Variants in TERF2IP observed in about 807,000 individuals in gnomAD.
TERF2IP encodes telomeric repeat-binding factor 2-interacting protein 1.
In TERF2IP, 35 loss-of-function variants were observed where a neutral mutation model predicts 33.3. The ratio of observed to expected loss-of-function variants is 1.05; its 90% CI spans 0.80 to 1.39. TERF2IP has a LOEUF of 1.39. Among genes scored for constraint, TERF2IP ranks in the 40% most tolerant of loss-of-function variants. TERF2IP has a pLI of 0.00. For missense variants in TERF2IP, 583 were observed against 524.8 expected, an observed-to-expected ratio of 1.11 and a Z score of -1.08; for synonymous variants, 253 against 223.2, an observed-to-expected ratio of 1.13 and a Z score of -1.19.
rs767208960 is a variant in TERF2IP, at chr16:75,656,472, A to G, written c.1061A>G (p.Gln354Arg). 1.9e-6 allele frequency: 3 copies of G among 1,614,264 alleles called. No individual in the cohort carries two copies. Among genetic ancestry groups the G allele is most frequent in the South Asian group, 1.1e-5 (1 of 91,088 alleles). ...ACTTCCGCCTTCTTAGCGTCTGGTCAGAGAGCTGATGGATATCCCATTTGG... is the reference window on the plus strand; with the variant it reads ...ACTTCCGCCTTCTTAGCGTCTGGTCGGAGAGCTGATGGATATCCCATTTGG... ...EATSAFLASG[Q>R]RADGYPIWSR... Residue 354 changes from glutamine to arginine, a missense_variant, in exon 3 of 3, where the codon CAG becomes CGG. Physicochemically the swap from Gln to Arg is conservative, Grantham distance 43 (BLOSUM62 1). Coordinates refer to ENST00000300086, the MANE Select transcript of TERF2IP (RefSeq NM_018975.4).
intron 2 of TERF2IP, among the ~76,000 whole-genome samples, chr16:75,655,858 CAT>C (rs2082380691): frequency 6.6e-6 from 1 of 152,140 alleles, no homozygotes; most frequent in Non-Finnish European, 1.5e-5. Context: ...CATGTGTGCA[CAT>C]ATATGTGTCT....
In TERF2IP at chr16:75,656,473, G is replaced by A. The variant is rs760209349; in HGVS notation, c.1062G>A (p.Gln354=). The change falls in exon 3 of 3, where the codon CAG becomes CAA. Residue 354 remains glutamine (Q), a synonymous_variant. Transcript: ENST00000300086. The part of the protein sequence containing the change: ...EATSAFLASG[Q]RADGYPIWSR... ...CTTCCGCCTTCTTAGCGTCTGGTCA[G>A]AGAGCTGATGGATATCCCATTTGGT... is the stretch of plus-strand genomic sequence containing the variant. The A allele has an allele frequency of 1.2e-6, 2 of 1,614,106 alleles. No individual in the cohort carries two copies. Among genetic ancestry groups the A allele is most frequent in the African/African-American group, 1.3e-5 (1 of 74,942 alleles).
chr16:75,650,162 C>T (rs1397124970), intron 1 of TERF2IP, among the ~76,000 whole-genome samples: 1 of 152,180 alleles, frequency 6.6e-6, no homozygotes, highest in Non-Finnish European at 1.5e-5. Flanking sequence ...GGTCCTGGAG[C>T]TTATAACATG....
Position 75,654,446 on chromosome 16 carries a change from C to T in TERF2IP, c.795+49C>T, listed in dbSNP as rs777168800. ...TATTTTTTTCCCTACCTTCATTCTT[C>T]TTTGAAACTGGTTATCCTGTACACC... On this transcript the variant is annotated intron_variant, in intron 2 of 2. Transcript: ENST00000300086. The T allele has an allele frequency of 8.8e-6, 14 of 1,587,386 alleles. No homozygotes were observed. In the South Asian group the frequency reaches 1.3e-4, roughly 15 times the overall value.
chr16:75,654,494 G>A, intron 2 of TERF2IP, 97 bp downstream of exon 2: 1 of 1,319,162 alleles, frequency 7.6e-7, no homozygotes, highest in Non-Finnish European at 1.0e-6. Context: ...CTGGGGCTCA[G>A]GAAAGTGAGA....
In TERF2IP at chr16:75,657,219, A is replaced by G. The variant is rs1036650151; in HGVS notation, c.*608A>G. On this transcript the variant is annotated 3_prime_UTR_variant, in exon 3 of 3. Transcript: ENST00000300086. ...CTTTTTTTGGAGCCCTTCTCAGTCAAGTCTGCCGGATGTCTTTCTTTACCT... is the reference window on the plus strand; with the variant it reads ...CTTTTTTTGGAGCCCTTCTCAGTCAGGTCTGCCGGATGTCTTTCTTTACCT... 6.6e-6 allele frequency: 1 copy of G among 152,228 alleles called. No homozygotes were observed. Among genetic ancestry groups the G allele is most frequent in the Non-Finnish European group, 1.5e-5 (1 of 68,090 alleles). The allele number at this position is 152,228 out of a possible 1,614,324, so 9.4% of individuals were successfully genotyped here.
Position 75,657,289 on chromosome 16 carries a change from T to C in TERF2IP, c.*678T>C, listed in dbSNP as rs1482925124. On this transcript the variant is annotated 3_prime_UTR_variant, in exon 3 of 3. Coordinates refer to ENST00000300086, the MANE Select transcript of TERF2IP (RefSeq NM_018975.4). ...AACGCGCACACAACTCTAGAGAGTGTTAAGAATAATGTTACTTGGTTAATG... is the reference window on the plus strand; with the variant it reads ...AACGCGCACACAACTCTAGAGAGTGCTAAGAATAATGTTACTTGGTTAATG... 2 of 152,244 alleles carry C rather than the reference T, an allele frequency of 1.3e-5. No individual in the cohort carries two copies. Among genetic ancestry groups the C allele is most frequent in the Non-Finnish European group, 2.9e-5 (2 of 68,060 alleles). The allele number at this position is 152,244 out of a possible 1,614,324, so 9.4% of individuals were successfully genotyped here. A position where few individuals can be genotyped will look rare whatever the true frequency, so the allele number is the denominator to read the frequency against.
chr16:75,654,205 C>T, intron 1 of TERF2IP, 68 bp from the exon 2 acceptor site: 1 of 1,333,766 alleles, frequency 7.5e-7, no homozygotes, highest in Non-Finnish European at 1.0e-6. Context: ...AGAGCTCACA[C>T]AGCAAATATA....
Position 75,647,991 on chromosome 16 carries a change from C to G in TERF2IP, c.109C>G (p.Pro37Ala). 6.2e-7 allele frequency: 1 copy of G among 1,613,568 alleles called. No homozygotes were observed. Among genetic ancestry groups the G allele is most frequent in the African/African-American group, 1.3e-5 (1 of 75,066 alleles). ...CATGTCCTTCTACGTGCGGCCCAGC[C>G]CGGCCAAGCGTCGGCTGTCGACGCT... ...SSMSFYVRPS[P>A]AKRRLSTLIL... Residue 37 changes from proline to alanine, a missense_variant, in exon 1 of 3, where the codon CCG (proline) becomes GCG (alanine). Physicochemically the swap from Pro to Ala is conservative, Grantham distance 27 (BLOSUM62 -1). Transcript: ENST00000300086.
rs1008771032 is a variant in TERF2IP, at chr16:75,647,793, A to G, written c.-90A>G. 8 of 1,582,370 alleles carry G rather than the reference A, an allele frequency of 5.1e-6. No individual in the cohort carries two copies. The African/African-American group carries it at 9.4e-5, about 19-fold the overall frequency. Reference sequence around the variant, plus strand: ...GGCCCAGTGCTGCGCTTCGCGGCAGAGGCGTCTGCGGTGACAGCTCAGTCA... The same window carrying G: ...GGCCCAGTGCTGCGCTTCGCGGCAGGGGCGTCTGCGGTGACAGCTCAGTCA... On this transcript the variant is annotated 5_prime_UTR_variant, in exon 1 of 3. Coordinates refer to ENST00000300086, the MANE Select transcript of TERF2IP (RefSeq NM_018975.4).
At chr16:75,648,648 A>G (rs757870781) in intron 1 of TERF2IP, 96 bp downstream of exon 1, 22 of 1,440,660 alleles carry the variant, frequency 1.5e-5, no homozygotes, top group Non-Finnish European at 1.8e-5. Context: ...CATCTTCGGT[A>G]GCAGCGCTTG....
chr16:75,648,627 G>T lies in TERF2IP; in HGVS notation c.670+75G>T, dbSNP rs895477631. The stretch of plus-strand genomic sequence containing the variant: ...GGGATCTTTCTCCTGGCTGCCTGGC[G>T]TCCATCTTGGCATCTTCGGTAGCAG... On this transcript the variant is annotated intron_variant, in intron 1 of 2. Transcript: ENST00000300086. 4 of 1,449,988 alleles carry T rather than the reference G, an allele frequency of 2.8e-6. No homozygotes were observed. The Admixed American group carries it at 1.0e-4, about 37-fold the overall frequency. The allele number at this position is 1,449,988 out of a possible 1,614,324, so 89.8% of individuals were successfully genotyped here. A position where few individuals can be genotyped will look rare whatever the true frequency, so the allele number is the denominator to read the frequency against.
At chr16:75,656,112 C>A in intron 2 of TERF2IP, 95 bp from the exon 3 acceptor site, 1 of 1,242,088 alleles carries the variant, frequency 8.1e-7, no homozygotes, top group Non-Finnish European at 1.1e-6. Flanking sequence ...GATTGGAATG[C>A]AGAGGGCAAG....
chr16:75,648,126 C>G lies in TERF2IP; in HGVS notation c.244C>G (p.Gln82Glu), dbSNP rs753345034. The change falls in exon 1 of 3, where the codon CAG (glutamine) becomes GAG (glutamate). Residue 82 changes from glutamine to glutamate, a missense_variant. By Grantham distance (29) the Gln-to-Glu change is conservative. Coordinates refer to ENST00000300086, the MANE Select transcript of TERF2IP (RefSeq NM_018975.4). ...AEASGDFIST[Q>E]YILDCVERNE... ...GGCCTCGGGTGATTTCATCTCCACGCAGTACATCCTGGACTGCGTGGAGCG... is the reference window on the plus strand; with the variant it reads ...GGCCTCGGGTGATTTCATCTCCACGGAGTACATCCTGGACTGCGTGGAGCG... 2 of 1,560,224 alleles carry G rather than the reference C, an allele frequency of 1.3e-6. No homozygotes were observed. The highest frequency in any genetic ancestry group is 1.3e-5 in the African/African-American group (1 of 74,090).
chr16:75,654,471 C>G, intron 2 of TERF2IP, 74 bp downstream of exon 2: 1 of 1,477,048 alleles, frequency 6.8e-7, no homozygotes, highest in Non-Finnish European at 9.2e-7. Context: ...TCCTGTACAC[C>G]TTTTTCATCT....
At chr16:75,648,575 C>T (rs773824546) in intron 1 of TERF2IP, 23 bp downstream of exon 1, 5 of 1,512,088 alleles carry the variant, frequency 3.3e-6, no homozygotes, top group Non-Finnish European at 3.6e-6. Context: ...AGCGCGGGGC[C>T]TCGCGGATAT....
chr16:75,653,572 T>C lies in TERF2IP; in HGVS notation c.671-701T>C, dbSNP rs1221253554. 5.3e-5 allele frequency among the ~76,000 whole-genome samples: 8 copies of C among 152,268 alleles called. No homozygotes were observed. The East Asian group carries it at 1.5e-3, about 29-fold the overall frequency. On this transcript the variant is annotated intron_variant, in intron 1 of 2. Transcript: ENST00000300086. ...AAATGTAAAGGAAAGGAACAGGATG[T>C]TTAAATTTAGGAGGCCCTCCTTTTT...
Position 75,647,827 on chromosome 16 carries a change from C to G in TERF2IP, c.-56C>G, listed in dbSNP as rs72563119. 3.4e-4 allele frequency: 537 copies of G among 1,596,730 alleles called. 1 individual carries two copies. The African/African-American group carries it at 6.3e-3, about 19-fold the overall frequency. ...CGGTGACAGCTCAGTCAGTTGAGCTCTGTGTGCCAGGCGCTCGCGAGGGGG... is the reference window on the plus strand; with the variant it reads ...CGGTGACAGCTCAGTCAGTTGAGCTGTGTGTGCCAGGCGCTCGCGAGGGGG... On this transcript the variant is annotated 5_prime_UTR_variant, in exon 1 of 3. Transcript: ENST00000300086.
chr16:75,652,169 T>A (rs2082352567), intron 1 of TERF2IP, among the ~76,000 whole-genome samples: 1 of 152,228 alleles, frequency 6.6e-6, no homozygotes. Flanking sequence ...CATACCCTTT[T>A]CCCTGGGTCC....
Sources: allele counts gnomAD v4.1 joint callset (sites outside exome capture counted in the v4.1 genomes callset), GRCh38; gene constraint gnomAD v4.1.1; transcripts MANE v1.5; gene names NCBI Gene and HGNC (gene_info 2026-07-23, HGNC 2026-07-21).